Variants in CAMKMT observed in about 807,000 individuals in gnomAD.
CAMKMT encodes CaM KMT.
A neutral mutation model predicts 48.0 loss-of-function variants in CAMKMT; 53 were observed. That is an observed-to-expected ratio of 1.10 (90% CI 0.89 to 1.39). The LOEUF is 1.39. Among genes scored for constraint, CAMKMT ranks in the 40% most tolerant of loss-of-function variants. The pLI is 0.00. For synonymous variants in CAMKMT, 165 were observed against 152.3 expected, an observed-to-expected ratio of 1.08 and a Z score of -0.61; for missense variants, 428 against 402.7, an observed-to-expected ratio of 1.06 and a Z score of -0.54.
intron 3 of CAMKMT, among the ~76,000 whole-genome samples, chr2:44,620,280 A>T (rs1444030955): frequency 6.0e-5 from 9 of 150,480 alleles, no homozygotes; most frequent in Non-Finnish European, 8.9e-5. Context: ...TTTTTTTTTT[A>T]AACTCCTTTT....
intron 3 of CAMKMT, among the ~76,000 whole-genome samples, chr2:44,655,406 T>C (rs1452221419): frequency 6.6e-6 from 1 of 152,226 alleles, no homozygotes; most frequent in African/African-American, 2.4e-5. Flanking sequence ...ATTTGGCTAG[T>C]TGACATGAGG....
chr2:44,712,889 C>T (rs1191861829), intron 6 of CAMKMT, among the ~76,000 whole-genome samples: 2 of 151,888 alleles, frequency 1.3e-5, no homozygotes, highest in East Asian at 3.9e-4. Context: ...CAAAATCTGA[C>T]CTAAAGTAAG....
rs148048203 is a variant in CAMKMT, at chr2:44,642,150, T to C, written c.377-62133T>C. On this transcript the variant is annotated intron_variant, in intron 3 of 10. Transcript: ENST00000378494. Reference sequence around the variant, plus strand: ...TTTCTGCCTCCTATATAAAAATAATTAGTGGAAACTATTTGTAAAGGAAGA... The same window carrying C: ...TTTCTGCCTCCTATATAAAAATAATCAGTGGAAACTATTTGTAAAGGAAGA... 6.1e-3 allele frequency among the ~76,000 whole-genome samples: 935 copies of C among 152,374 alleles called. 12 individuals carry two copies. The highest frequency in any genetic ancestry group is 0.021 in the African/African-American group (887 of 41,582).
intron 7 of CAMKMT, among the ~76,000 whole-genome samples, chr2:44,743,304 T>C (rs1336715563): frequency 1.3e-5 from 2 of 152,190 alleles, no homozygotes; most frequent in African/African-American, 4.8e-5. Context: ...ATATGTACCT[T>C]ATTGATGTTA....
At chr2:44,674,592 C>T (rs1392851077) in intron 3 of CAMKMT, among the ~76,000 whole-genome samples, 1 of 152,214 alleles carries the variant, frequency 6.6e-6, no homozygotes, top group Non-Finnish European at 1.5e-5. Flanking sequence ...CCAACCTCAA[C>T]CAAAGTGCCC....
intron 2 of CAMKMT, among the ~76,000 whole-genome samples, chr2:44,380,715 A>G (rs1680153639): frequency 6.6e-6 from 1 of 152,216 alleles, no homozygotes; most frequent in South Asian, 2.1e-4. Context: ...CTTTCATAAG[A>G]TGCCATCTTT....
At chr2:44,559,987 T>C (rs1372797320) in intron 3 of CAMKMT, among the ~76,000 whole-genome samples, 1 of 152,252 alleles carries the variant, frequency 6.6e-6, no homozygotes, top group Non-Finnish European at 1.5e-5. Flanking sequence ...AAACTCATTT[T>C]ATGCCAATCA....
intron 8 of CAMKMT, among the ~76,000 whole-genome samples, chr2:44,748,498 C>T (rs114547965): frequency 1.0e-3 from 158 of 152,216 alleles, no homozygotes; most frequent in African/African-American, 3.4e-3. Context: ...CCAGGTTTCC[C>T]GTAGGCCTGG....
At chr2:44,366,872 C>G (rs756183456) in intron 1 of CAMKMT, among the ~76,000 whole-genome samples, 1 of 152,108 alleles carries the variant, frequency 6.6e-6, no homozygotes, top group Non-Finnish European at 1.5e-5. Context: ...CAGGTGCACA[C>G]CACCACGCCT....
At chr2:44,622,854 A>C (rs1047570541) in intron 3 of CAMKMT, among the ~76,000 whole-genome samples, 1 of 152,202 alleles carries the variant, frequency 6.6e-6, no homozygotes, top group Non-Finnish European at 1.5e-5. Flanking sequence ...TATATCCAGT[A>C]ATGGGATTGC....
intron 3 of CAMKMT, among the ~76,000 whole-genome samples, chr2:44,630,800 G>T (rs187843207): frequency 1.3e-5 from 2 of 151,262 alleles, no homozygotes; most frequent in African/African-American, 4.9e-5. Context: ...CTGTTGGTGG[G>T]ACTGTAAACT....
At chr2:44,724,162 T>C (rs1238787174) in intron 7 of CAMKMT, among the ~76,000 whole-genome samples, 1 of 152,144 alleles carries the variant, frequency 6.6e-6, no homozygotes, top group Non-Finnish European at 1.5e-5. Flanking sequence ...TCCCAGATAC[T>C]AGGGACGCTG....
At chr2:44,590,719 T>C (rs1332707932) in intron 3 of CAMKMT, among the ~76,000 whole-genome samples, 1 of 152,210 alleles carries the variant, frequency 6.6e-6, no homozygotes, top group Non-Finnish European at 1.5e-5. Context: ...TTCACTCTGA[T>C]GGTAGTTTCT....
At chr2:44,574,821 A>T (rs1572834937) in intron 3 of CAMKMT, among the ~76,000 whole-genome samples, 1 of 151,904 alleles carries the variant, frequency 6.6e-6, no homozygotes, top group African/African-American at 2.4e-5. Context: ...GCTCACAGCA[A>T]CCTCCATCTC....
intron 9 of CAMKMT, among the ~76,000 whole-genome samples, chr2:44,760,839 C>G (rs1680588904): frequency 6.6e-6 from 1 of 152,128 alleles, no homozygotes; most frequent in Admixed American, 6.5e-5. Flanking sequence ...CAATATCCAC[C>G]TGGAATCATC....
chr2:44,373,842 G>A (rs368905456), intron 2 of CAMKMT, among the ~76,000 whole-genome samples: 14 of 152,054 alleles, frequency 9.2e-5, no homozygotes, highest in African/African-American at 2.4e-4. Context: ...TGAAAATGCC[G>A]GCTGGGCGCA....
rs769168527 is a variant in CAMKMT at position 44,631,618 on chromosome 2, G to A, written c.377-72665G>A. 33 of 494,010 alleles carry A rather than the reference G, an allele frequency of 6.7e-5. No homozygotes were observed. In the Middle Eastern group the frequency reaches 1.7e-3, roughly 25 times the overall value. 30.6% of individuals were successfully genotyped at this position (494,010 alleles called of 1,614,324 possible). A position where few individuals can be genotyped will look rare whatever the true frequency, so the allele number is the denominator to read the frequency against. On this transcript the variant is annotated intron_variant, in intron 3 of 10. Transcript: ENST00000378494. ...TCCCAGCTGTGTATGCATTTCTTGCGGACAGTTGTATAGTTGGGTCTTGGA... is the reference window on the plus strand; with the variant it reads ...TCCCAGCTGTGTATGCATTTCTTGCAGACAGTTGTATAGTTGGGTCTTGGA...
At chr2:44,560,175 A>G (rs888859395) in intron 3 of CAMKMT, among the ~76,000 whole-genome samples, 5 of 152,236 alleles carry the variant, frequency 3.3e-5, no homozygotes, top group African/African-American at 9.6e-5. Context: ...ATTGACATCC[A>G]TCAACTGACT....
At chr2:44,730,910 A>T (rs980156445) in intron 7 of CAMKMT, among the ~76,000 whole-genome samples, 3 of 152,236 alleles carry the variant, frequency 2.0e-5, no homozygotes, top group Non-Finnish European at 2.9e-5. Flanking sequence ...CATACAAAGA[A>T]CATGGCTGCC....
Sources: allele counts gnomAD v4.1 joint callset (sites outside exome capture counted in the v4.1 genomes callset), GRCh38; gene constraint gnomAD v4.1.1; transcripts MANE v1.5; gene names NCBI Gene and HGNC (gene_info 2026-07-23, HGNC 2026-07-21).